Variants in HSPA14 observed in about 807,000 individuals in gnomAD.
The protein encoded by HSPA14 is heat shock protein family A (Hsp70) member 14.
HSPA14 carries 37 observed loss-of-function variants against 65.5 expected under a neutral mutation model. The ratio of observed to expected loss-of-function variants is 0.56; its 90% CI spans 0.43 to 0.74. HSPA14 has a LOEUF of 0.74. Among genes scored for constraint, HSPA14 ranks in the 30% least tolerant of loss-of-function variants. HSPA14 has a pLI of 0.00. For synonymous variants in HSPA14, 203 were observed against 214.2 expected (o/e 0.95, Z 0.46); for missense variants, 564 against 607.6 (o/e 0.93, Z 0.75).
intron 3 of HSPA14, chr10:14,845,257 A>G (rs945832608): frequency 1.0e-6 from 1 of 985,168 alleles, no homozygotes; most frequent in Admixed American, 6.1e-5. Context: ...TAGGAATACA[A>G]ATAGGAATCT....
At chr10:14,856,512 G>C (rs1402204588) in intron 10 of HSPA14, among the ~76,000 whole-genome samples, 1 of 152,084 alleles carries the variant, frequency 6.6e-6, no homozygotes. Flanking sequence ...CAAATGTTTA[G>C]TATTTTCTTT....
chr10:14,840,590 G>C (rs953689337), intron 3 of HSPA14, among the ~76,000 whole-genome samples: 1 of 152,206 alleles, frequency 6.6e-6, no homozygotes, highest in Admixed American at 6.5e-5. Context: ...TTCTGGGAAC[G>C]AACTTTTCCA....
intron 5 of HSPA14, among the ~76,000 whole-genome samples, chr10:14,849,164 T>TA (rs1373416160): frequency 1.3e-5 from 2 of 152,182 alleles, no homozygotes; most frequent in African/African-American, 2.4e-5. Flanking sequence ...AGTGGCCGAG[T>TA]AAGCTTGGTG....
intron 3 of HSPA14, chr10:14,843,619 C>T: frequency 6.4e-6 from 10 of 1,550,426 alleles, no homozygotes; most frequent in South Asian, 1.2e-5. Context: ...GTGGGCAAGG[C>T]GAAGAAGGCG....
intron 3 of HSPA14, among the ~76,000 whole-genome samples, chr10:14,847,300 CAG>C (rs1834067623): frequency 6.6e-6 from 1 of 152,140 alleles, no homozygotes; most frequent in Non-Finnish European, 1.5e-5. Context: ...CTAAAGAAAA[CAG>C]AACTAGTAAG....
At chr10:14,857,706 G>A (rs562674881) in intron 10 of HSPA14, among the ~76,000 whole-genome samples, 27 of 152,278 alleles carry the variant, frequency 1.8e-4, no homozygotes, top group African/African-American at 6.5e-4. Flanking sequence ...GGTCCTGCTA[G>A]GGAGGAGGGT....
intron 10 of HSPA14, 66 bp downstream of exon 10, chr10:14,856,009 C>A: frequency 1.2e-6 from 1 of 838,622 alleles, no homozygotes; most frequent in Non-Finnish European, 2.0e-6. Flanking sequence ...TAGGAAATAG[C>A]TCTGGGTACT....
chr10:14,843,504 C>T, intron 3 of HSPA14: 1 of 1,550,674 alleles, frequency 6.4e-7, no homozygotes, highest in East Asian at 2.4e-5. Context: ...GCACCAACCG[C>T]AGCACTCCTG....
intron 10 of HSPA14, among the ~76,000 whole-genome samples, chr10:14,856,607 A>G (rs1832699186): frequency 6.6e-6 from 1 of 152,148 alleles, no homozygotes; most frequent in Admixed American, 6.5e-5. Flanking sequence ...CAAGCCTGTA[A>G]TGCCAACACT....
At chr10:14,867,695 A>T in intron 11 of HSPA14, 41 bp from the exon 12 acceptor site, 1 of 1,564,032 alleles carries the variant, frequency 6.4e-7, no homozygotes, top group Non-Finnish European at 8.6e-7. Flanking sequence ...AATTGTAAAG[A>T]TAAATACCAA....
intron 10 of HSPA14, among the ~76,000 whole-genome samples, chr10:14,864,655 C>T (rs1268352914): frequency 6.6e-6 from 1 of 152,132 alleles, no homozygotes; most frequent in Non-Finnish European, 1.5e-5. Flanking sequence ...GACATGAACT[C>T]GTCATTTTTT....
chr10:14,849,751 C>T lies in HSPA14; in HGVS notation c.407C>T (p.Ala136Val). The T allele has an allele frequency of 6.2e-7, 1 of 1,612,790 alleles. No homozygotes were observed. Among genetic ancestry groups the T allele is most frequent in the South Asian group, 1.1e-5 (1 of 90,744 alleles). Residue 136 changes from alanine (A) to valine (V), a missense_variant, in exon 6 of 14, where the codon GCA becomes GTA. Physicochemically the swap from Ala to Val is moderately conservative, Grantham distance 64. Transcript: ENST00000378372. ...GCACATTCTGTATTGGGCTCAGATG[C>T]AAATGATGTAGTTATTACTGTCCCG... ...ETAHSVLGSD[A>V]NDVVITVPFD...
chr10:14,855,779 C>T (rs1834141412), intron 9 of HSPA14, 62 bp from the exon 10 acceptor site: 1 of 838,056 alleles, frequency 1.2e-6, no homozygotes, highest in Admixed American at 2.3e-5. Context: ...GTACTGAGCC[C>T]CGTTTTATCT....
intron 3 of HSPA14, chr10:14,844,517 T>TA (rs1260373123): frequency 1.2e-5 from 12 of 987,470 alleles, no homozygotes; most frequent in Non-Finnish European, 1.3e-5. Context: ...ATTTGTACCT[T>TA]AATCTCTTAC....
chr10:14,854,016 C>A, intron 8 of HSPA14, 109 bp from the exon 9 acceptor site: 1 of 1,124,868 alleles, frequency 8.9e-7, no homozygotes, highest in Non-Finnish European at 1.2e-6. Flanking sequence ...CCGCACCCGG[C>A]CTGATTCACT....
chr10:14,864,033 T>G (rs993610169), intron 10 of HSPA14, among the ~76,000 whole-genome samples: 5 of 151,894 alleles, frequency 3.3e-5, no homozygotes, highest in African/African-American at 4.8e-5. Flanking sequence ...TGGCCTGTGT[T>G]GCTGGCACCT....
intron 10 of HSPA14, among the ~76,000 whole-genome samples, chr10:14,865,515 A>G (rs1241185442): frequency 2.0e-5 from 3 of 152,174 alleles, no homozygotes; most frequent in Admixed American, 6.5e-5. Flanking sequence ...TGTAAGGAAG[A>G]GATCCAGTTT....
chr10:14,839,940 T>G lies in HSPA14; in HGVS notation c.93T>G (p.Gly31=), dbSNP rs1330016538. 1 of 1,613,024 alleles carries G rather than the reference T, an allele frequency of 6.2e-7. No individual in the cohort carries two copies. The highest frequency in any genetic ancestry group is 8.5e-7 in the Non-Finnish European group (1 of 1,179,442). Reference sequence around the variant, plus strand: ...CTGGTGTGGTTGCAAATGATGCCGGTGACCGAGTTACTCCAGCTGTTGTTG... The same window carrying G: ...CTGGTGTGGTTGCAAATGATGCCGGGGACCGAGTTACTCCAGCTGTTGTTG... ...GRAGVVANDA[G]DRVTPAVVAY... is the part of the protein sequence containing the mutation. Residue 31 remains glycine (G), a synonymous_variant, in exon 2 of 14, where the codon GGT becomes GGG. Transcript: ENST00000378372.
At chr10:14,848,144 A>T (rs1008738540) in intron 3 of HSPA14, among the ~76,000 whole-genome samples, 1 of 152,218 alleles carries the variant, frequency 6.6e-6, no homozygotes, top group African/African-American at 2.4e-5. Context: ...TATAAACAAC[A>T]TTCATAGTTT....
Sources: allele counts gnomAD v4.1 joint callset (sites outside exome capture counted in the v4.1 genomes callset), GRCh38; gene constraint gnomAD v4.1.1; transcripts MANE v1.5; gene names NCBI Gene and HGNC (gene_info 2026-07-23, HGNC 2026-07-21).